The following SENP5 variants were observed in gnomAD, a reference collection of about 807,000 sequenced individuals.
The protein encoded by SENP5 is sentrin-specific protease 5.
Under a neutral mutation model 74.2 loss-of-function variants are expected in SENP5, and 21 were observed. The observed-to-expected ratio is 0.28, with a 90% CI of 0.20 to 0.41. The LOEUF is 0.41. Among genes scored for constraint, SENP5 ranks in the 10% least tolerant of loss-of-function variants. The pLI, the probability that SENP5 is intolerant of heterozygous loss-of-function variation, is 1.00. For missense variants in SENP5, 717 were observed against 889.1 expected (o/e 0.81, Z 2.46); for synonymous variants, 311 against 312.7 (o/e 0.99, Z 0.06).
rs537441895 is a variant in SENP5, at chr3:196,911,155, G to A, written c.1884+7545G>A. Among the ~76,000 whole-genome samples, 14 of 152,196 alleles carry A rather than the reference G, an allele frequency of 9.2e-5. No individual in the cohort carries two copies. In the South Asian group the frequency reaches 1.9e-3, roughly 20 times the overall value. Reference sequence around the variant, plus strand: ...AGGCAGTACCATTCAGGACATAGGCGTGGGCAAAGACTTCATGACAAAAAC... The same window carrying A: ...AGGCAGTACCATTCAGGACATAGGCATGGGCAAAGACTTCATGACAAAAAC... On this transcript the variant is annotated intron_variant, in intron 6 of 9. Transcript: ENST00000323460.
At chr3:196,888,105 T>C (rs1432334445) in intron 2 of SENP5, among the ~76,000 whole-genome samples, 2 of 152,216 alleles carry the variant, frequency 1.3e-5, no homozygotes, top group Admixed American at 6.5e-5. Context: ...TTGAGGCTTC[T>C]AGTTTTTACG....
intron 6 of SENP5, among the ~76,000 whole-genome samples, chr3:196,907,761 T>G (rs1714962732): frequency 6.6e-6 from 1 of 151,778 alleles, no homozygotes; most frequent in South Asian, 2.1e-4. Context: ...CAAAAAAAAT[T>G]GCAAAAAAGA....
At chr3:196,914,586 A>AAAAAATTTATATATAT in intron 6 of SENP5, 1 of 33,510 alleles carries the variant, frequency 3.0e-5, no homozygotes, top group African/African-American at 1.8e-4. Context: ...AAAAAAAAAA[A>AAAAAATTTATATATAT]ATATATATAT....
chr3:196,892,683 G>A (rs1401151545), intron 2 of SENP5, among the ~76,000 whole-genome samples: 1 of 152,156 alleles, frequency 6.6e-6, no homozygotes, highest in Non-Finnish European at 1.5e-5. Context: ...TCTAACGGAA[G>A]CTTTATGACC....
chr3:196,881,102 A>T (rs1324127433), intron 1 of SENP5, among the ~76,000 whole-genome samples: 1 of 151,778 alleles, frequency 6.6e-6, no homozygotes, highest in Non-Finnish European at 1.5e-5. Flanking sequence ...ACATGCCACC[A>T]CACTTGGCTA....
At chr3:196,889,731 A>C (rs1344225452) in intron 2 of SENP5, among the ~76,000 whole-genome samples, 1 of 152,240 alleles carries the variant, frequency 6.6e-6, no homozygotes, top group Non-Finnish European at 1.5e-5. Flanking sequence ...ATGAGGAGAC[A>C]GTTTTGGTAG....
intron 4 of SENP5, 115 bp from the exon 5 acceptor site, chr3:196,900,250 G>T: frequency 9.0e-7 from 1 of 1,110,596 alleles, no homozygotes. Context: ...TATTCTGATT[G>T]GGATGTACTG....
At chr3:196,871,218 A>C (rs1323467806) in intron 1 of SENP5, among the ~76,000 whole-genome samples, 2 of 152,172 alleles carry the variant, frequency 1.3e-5, no homozygotes, top group Non-Finnish European at 2.9e-5. Context: ...GTTGTCTAAT[A>C]CATTCAGAGT....
chr3:196,931,814 T>C lies in SENP5; in HGVS notation c.*891T>C, dbSNP rs1716048836. The C allele has an allele frequency of 1.6e-5, 6 of 364,600 alleles. No individual in the cohort carries two copies. The highest frequency in any genetic ancestry group is 1.2e-4 in the South Asian group (6 of 50,070). 22.6% of individuals were successfully genotyped at this position (364,600 alleles called of 1,614,324 possible). ...GTCATTTCCCTGTGTTGCCTCCCAATTGGAAGAAGTTAAGGTTTACCAAAT... is the reference window on the plus strand; with the variant it reads ...GTCATTTCCCTGTGTTGCCTCCCAACTGGAAGAAGTTAAGGTTTACCAAAT... On this transcript the variant is annotated 3_prime_UTR_variant, in exon 10 of 10. Coordinates refer to ENST00000323460, the MANE Select transcript of SENP5 (RefSeq NM_152699.5).
At chr3:196,896,529 A>G (rs1365751190) in intron 2 of SENP5, among the ~76,000 whole-genome samples, 2 of 152,212 alleles carry the variant, frequency 1.3e-5, no homozygotes, top group African/African-American at 4.8e-5. Context: ...ATCTCGGCTC[A>G]CTACAGCCTC....
At chr3:196,882,373 A>G (rs1222085972) in intron 1 of SENP5, among the ~76,000 whole-genome samples, 1 of 152,140 alleles carries the variant, frequency 6.6e-6, no homozygotes, top group Admixed American at 6.5e-5. Flanking sequence ...TGTACCCATT[A>G]AGCAATAACT....
At chr3:196,876,328 C>G (rs1006942909) in intron 1 of SENP5, among the ~76,000 whole-genome samples, 2 of 151,920 alleles carry the variant, frequency 1.3e-5, no homozygotes, top group African/African-American at 4.8e-5. Context: ...TCGAGACTAT[C>G]CTTGCTAACA....
Position 196,886,016 on chromosome 3 carries a change from C to T in SENP5, c.835C>T (p.Arg279Cys), listed in dbSNP as rs758737203. Reference protein sequence around the residue: ...QKVTGDHQETRRENGEGGSCS... With the variant: ...QKVTGDHQETCRENGEGGSCS... ...AGTCACTGGGGACCATCAAGAGACC[C>T]GTAGGGAGAACGGTGAGGGTGGCAG... The change falls in exon 2 of 10, where the codon CGT (arginine) becomes TGT (cysteine). Residue 279 changes from arginine (R) to cysteine (C), a missense_variant. Around this residue, in one of 4 missense-constraint regions of SENP5, gnomAD observed 567 missense variants for 577.4 expected, o/e 0.98. Transcript: ENST00000323460. The T allele has an allele frequency of 8.7e-6, 14 of 1,614,018 alleles. No homozygotes were observed. The highest frequency in any genetic ancestry group is 4.5e-5 in the East Asian group (2 of 44,896).
intron 1 of SENP5, among the ~76,000 whole-genome samples, chr3:196,880,638 C>CTTTTTTTTTT (rs56188124): frequency 9.8e-6 from 1 of 101,938 alleles, no homozygotes; most frequent in African/African-American, 3.9e-5. Context: ...GCCAGTTATT[C>CTTTTTTTTTT]TTTTTTTTTT....
chr3:196,887,692 C>T (rs1212268484), intron 2 of SENP5, among the ~76,000 whole-genome samples: 1 of 152,084 alleles, frequency 6.6e-6, no homozygotes, highest in African/African-American at 2.4e-5. Context: ...TAAAAGCCTT[C>T]AGTACCCCAA....
chr3:196,886,040 A>G lies in SENP5; in HGVS notation c.859A>G (p.Ser287Gly), dbSNP rs773374904. 1.2e-6 allele frequency: 2 copies of G among 1,614,060 alleles called. No individual in the cohort carries two copies. The highest frequency in any genetic ancestry group is 1.1e-5 in the South Asian group (1 of 91,088). ...ETRRENGEGG[S>G]CSPFPSPEPK... ...CCGTAGGGAGAACGGTGAGGGTGGC[A>G]GTTGCAGCCCATTTCCTTCCCCAGA... is the stretch of plus-strand genomic sequence containing the variant. The change falls in exon 2 of 10, where the codon AGT becomes GGT. Residue 287 changes from serine (S) to glycine (G), a missense_variant. Coordinates refer to ENST00000323460, the MANE Select transcript of SENP5 (RefSeq NM_152699.5).
intron 8 of SENP5, 38 bp downstream of exon 8, chr3:196,927,917 G>A: frequency 1.5e-6 from 2 of 1,341,442 alleles, no homozygotes; most frequent in East Asian, 4.6e-5. Flanking sequence ...GGCATGTCCA[G>A]GGGATGGAAT....
intron 1 of SENP5, among the ~76,000 whole-genome samples, chr3:196,874,092 C>A (rs1380399352): frequency 6.7e-5 from 10 of 148,710 alleles, no homozygotes; most frequent in African/African-American, 2.5e-5. Context: ...CTTGATTGAG[C>A]CTGGGAGTTT....
At chr3:196,878,554 G>C (rs952293970) in intron 1 of SENP5, among the ~76,000 whole-genome samples, 9 of 151,968 alleles carry the variant, frequency 5.9e-5, no homozygotes, top group Non-Finnish European at 1.2e-4. Context: ...AGTCTTTGAG[G>C]TATTGTTTTG....
Sources: gnomAD v4.1 joint callset for allele counts (sites outside exome capture counted in the v4.1 genomes callset) on GRCh38, gnomAD v4.1.1 for gene constraint, gnomAD v4.1.1 regional missense constraint, MANE v1.5 for transcripts, NCBI Gene and HGNC (gene_info 2026-07-23, HGNC 2026-07-21) for gene names.